UTP20: variants seen among roughly 807,000 people sequenced by gnomAD.
The protein encoded by UTP20 is UTP20 small subunit processome component.
UTP20 carries 164 observed loss-of-function variants against 329.5 expected under a neutral mutation model. The ratio of observed to expected loss-of-function variants is 0.50; its 90% CI spans 0.44 to 0.57. The LOEUF is 0.57. Ranked by LOEUF, UTP20 falls within the 20% of genes least tolerant of loss-of-function variation. The pLI, the probability that UTP20 is intolerant of heterozygous loss-of-function variation, is 0.00. For missense variants in UTP20, 3,055 were observed against 3,284.2 expected (o/e 0.93, Z 1.71); for synonymous variants, 1,151 against 1,159.3 (o/e 0.99, Z 0.14).
intron 22 of UTP20, among the ~76,000 whole-genome samples, chr12:101,317,953 G>A (rs1370992561): frequency 1.3e-5 from 2 of 152,164 alleles, no homozygotes; most frequent in Non-Finnish European, 2.9e-5. Flanking sequence ...TGGAGTGTTT[G>A]GATATTCTTT....
intron 27 of UTP20, among the ~76,000 whole-genome samples, chr12:101,330,545 T>C (rs1336017357): frequency 2.0e-5 from 3 of 152,190 alleles, no homozygotes; most frequent in Non-Finnish European, 2.9e-5. Flanking sequence ...AAAGGGACTA[T>C]AGGAGGCCAA....
intron 60 of UTP20, 84 bp from the exon 61 acceptor site, chr12:101,385,499 T>C: frequency 6.8e-7 from 1 of 1,468,716 alleles, no homozygotes; most frequent in South Asian, 1.3e-5. Context: ...TGGATATAAA[T>C]GTTGTACATA....
rs1287145615 is a variant in UTP20 at position 101,333,410 on chromosome 12, T to TTGA, written c.3530_3532dup (p.Asp1177dup). The TTGA allele has an allele frequency of 3.1e-6, 5 of 1,614,036 alleles. No individual in the cohort carries two copies. The highest frequency in any genetic ancestry group is 2.2e-5 in the South Asian group (2 of 91,062). ...TCATATCAGTTTAGAACAGAAGAAA[T>TTGA]TGATGCTGTGTTTCATGGTGCAGTT... On this transcript the variant is annotated inframe_insertion, in exon 28 of 62. Coordinates refer to ENST00000261637, the MANE Select transcript of UTP20 (RefSeq NM_014503.3).
At chr12:101,333,084 C>T (rs1424055208) in intron 27 of UTP20, among the ~76,000 whole-genome samples, 1 of 152,126 alleles carries the variant, frequency 6.6e-6, no homozygotes, top group Non-Finnish European at 1.5e-5. Flanking sequence ...GACTACTAGG[C>T]AGTGATATTG....
At chr12:101,343,270 A>C (rs2120939110) in intron 35 of UTP20, among the ~76,000 whole-genome samples, 177 bp downstream of exon 35, 1 of 152,304 alleles carries the variant, frequency 6.6e-6, no homozygotes, top group East Asian at 1.9e-4. Context: ...TCATGATTTA[A>C]AAGGCAAATA....
Position 101,344,625 on chromosome 12 carries a change from A to G in UTP20, c.4480A>G (p.Ser1494Gly), listed in dbSNP as rs1869258327. Residue 1494 changes from serine to glycine, a missense_variant, in exon 36 of 62, where the codon AGC becomes GGC. Physicochemically the swap from Ser to Gly is moderately conservative, Grantham distance 56. This residue lies in a region of UTP20 where 2,445 missense variants were observed against 2,575.5 expected (regional missense o/e 0.95). Coordinates refer to ENST00000261637, the MANE Select transcript of UTP20 (RefSeq NM_014503.3). ...AGATATGAGTTTAAGTGATAATGCC[A>G]GCATGTGCCTGATGAGTATCATCAA... The part of the protein sequence containing the change: ...LGDMSLSDNA[S>G]MCLMSIIKKL... 8.6e-7 allele frequency: 1 copy of G among 1,160,460 alleles called. No homozygotes were observed. The highest frequency in any genetic ancestry group is 1.2e-5 in the South Asian group (1 of 82,078). 71.9% of individuals were successfully genotyped at this position (1,160,460 alleles called of 1,614,324 possible).
chr12:101,386,312 T>C lies in UTP20; in HGVS notation c.*189T>C. ...GCAGCCTCAACCTGGGTTCAAGTGA[T>C]CCTCTCACCTCAGCCTCCCAAGTAG... On this transcript the variant is annotated 3_prime_UTR_variant, in exon 62 of 62. Transcript: ENST00000261637. 2.1e-6 allele frequency: 1 copy of C among 485,000 alleles called. No homozygotes were observed. Among genetic ancestry groups the C allele is most frequent in the South Asian group, 3.6e-5 (1 of 27,956 alleles). 30.0% of individuals were successfully genotyped at this position (485,000 alleles called of 1,614,324 possible).
At chr12:101,329,689 A>G (rs10860710) in intron 27 of UTP20, among the ~76,000 whole-genome samples, 80,778 of 151,960 alleles carry the variant, frequency 0.53, 22,799 homozygotes, top group East Asian at 0.94. Context: ...GAGGAGAAAA[A>G]GCAATCAATA....
intron 7 of UTP20, 145 bp from the exon 8 acceptor site, chr12:101,290,588 C>T (rs1438451990): frequency 1.1e-5 from 10 of 887,612 alleles, no homozygotes; most frequent in South Asian, 2.4e-5. Flanking sequence ...TTTTGGGACA[C>T]GTTATTAACC....
At chr12:101,370,157 C>A (rs886697930) in intron 49 of UTP20, among the ~76,000 whole-genome samples, 4 of 152,126 alleles carry the variant, frequency 2.6e-5, no homozygotes, top group Non-Finnish European at 4.4e-5. Flanking sequence ...TTAGAGGCTG[C>A]AGTGAGCTAT....
At position 101,386,082 on chromosome 12, in the gene UTP20, CA is replaced by C. The variant is rs1356902682; in HGVS notation, c.8323del (p.Ser2775AlafsTer4). The part of the protein sequence containing the change: ...FLRPGYKAKR[Q>X]KSHSLKDLAM... Reference sequence around the variant, plus strand: ...GCGTCCAGGATATAAGGCCAAGAGACAAAAAAGCCATAGCCTGAAAGATTTA... The same window carrying C: ...GCGTCCAGGATATAAGGCCAAGAGACAAAAAGCCATAGCCTGAAAGATTTA... On this transcript the variant is annotated frameshift_variant, in exon 62 of 62. Coordinates refer to ENST00000261637, the MANE Select transcript of UTP20 (RefSeq NM_014503.3). LOFTEE classifies it high-confidence loss of function. 3 of 1,606,670 alleles carry C rather than the reference CA, an allele frequency of 1.9e-6. No individual in the cohort carries two copies. The highest frequency in any genetic ancestry group is 1.7e-6 in the Non-Finnish European group (2 of 1,178,628).
rs1335405859 is a variant in UTP20 at position 101,386,031 on chromosome 12, G to C, written c.8266G>C (p.Ala2756Pro). 1 of 1,610,678 alleles carries C rather than the reference G, an allele frequency of 6.2e-7. No individual in the cohort carries two copies. Among genetic ancestry groups the C allele is most frequent in the Admixed American group, 1.7e-5 (1 of 58,730 alleles). Residue 2756 changes from alanine (A) to proline (P), a missense_variant, in exon 62 of 62, where the codon GCA becomes CCA. By Grantham distance (27) the Ala-to-Pro change is conservative. Transcript: ENST00000261637. The stretch of plus-strand genomic sequence containing the variant: ...GAAGAAACACAAAAATAAAAGTGAA[G>C]CAAAGAAGAGAAAGATAGAGTTCCT... ...KMKKHKNKSE[A>P]KKRKIEFLRP...
chr12:101,361,973 G>T lies in UTP20; in HGVS notation c.5703G>T (p.Leu1901=). 1 of 1,613,540 alleles carries T rather than the reference G, an allele frequency of 6.2e-7. No individual in the cohort carries two copies. Among genetic ancestry groups the T allele is most frequent in the South Asian group, 1.1e-5 (1 of 91,056 alleles). The change falls in exon 44 of 62, where the codon CTG becomes CTT. Residue 1901 remains leucine (L), a synonymous_variant. Transcript: ENST00000261637. ...GTGTCTCATGTTAGGTCCATGTGCT[G>T]ACTTTCACCGTTCACATGCTGCTGC... ...TLVRGYQVHV[L]TFTVHMLLQG...
rs760938709 is a variant in UTP20, at chr12:101,320,947, T to C, written c.2915+10T>C. The C allele has an allele frequency of 1.1e-5, 17 of 1,597,722 alleles. No homozygotes were observed. Among genetic ancestry groups the C allele is most frequent in the African/African-American group, 2.7e-5 (2 of 74,182 alleles). On this transcript the variant is annotated intron_variant, in intron 24 of 61. Coordinates refer to ENST00000261637, the MANE Select transcript of UTP20 (RefSeq NM_014503.3). ...ATGTCCTCCCTTACAGGTAAGTTACTTGAAGCTTAAAGAACTGTTATTTCT... is the reference window on the plus strand; with the variant it reads ...ATGTCCTCCCTTACAGGTAAGTTACCTGAAGCTTAAAGAACTGTTATTTCT...
At chr12:101,294,697 C>G (rs181549473) in intron 11 of UTP20, among the ~76,000 whole-genome samples, 188 of 152,158 alleles carry the variant, frequency 1.2e-3, no homozygotes, top group African/African-American at 4.5e-3. Flanking sequence ...CATGTGCCCC[C>G]ACGCCTGGCT....
At chr12:101,303,657 C>T (rs937164139) in intron 15 of UTP20, among the ~76,000 whole-genome samples, 1 of 152,124 alleles carries the variant, frequency 6.6e-6, no homozygotes, top group Non-Finnish European at 1.5e-5. Context: ...GAGGTGGAGG[C>T]AGTAGACCTC....
intron 14 of UTP20, among the ~76,000 whole-genome samples, 191 bp downstream of exon 14, chr12:101,300,252 C>T (rs547336980): frequency 2.6e-5 from 4 of 152,174 alleles, no homozygotes; most frequent in South Asian, 2.1e-4. Context: ...GACTGGGTCA[C>T]GGTGGCTTGA....
rs1211436109 is a variant in UTP20, at chr12:101,294,541, CTT to C, written c.1252-924_1252-923del. Among the ~76,000 whole-genome samples the C allele has an allele frequency of 1.8e-3, 234 of 129,264 alleles. 1 individual carries two copies. The highest frequency in any genetic ancestry group is 4.0e-3 in the Admixed American group (51 of 12,762). 84.8% of individuals were successfully genotyped at this position (129,264 alleles called of 152,430 possible). A position where few individuals can be genotyped will look rare whatever the true frequency, so the allele number is the denominator to read the frequency against. ...CCTTTTTGTATACATTCTCGTTTTT[CTT>C]TTTTTTTTTTTTTTGTCGAGACATA... On this transcript the variant is annotated intron_variant, in intron 11 of 61. Transcript: ENST00000261637.
At position 101,361,974 on chromosome 12, in the gene UTP20, A is replaced by G. The variant is rs775922525; in HGVS notation, c.5704A>G (p.Thr1902Ala). The change falls in exon 44 of 62, where the codon ACT becomes GCT. Residue 1902 changes from threonine (T) to alanine (A), a missense_variant. Coordinates refer to ENST00000261637, the MANE Select transcript of UTP20 (RefSeq NM_014503.3). The stretch of plus-strand genomic sequence containing the variant: ...TGTCTCATGTTAGGTCCATGTGCTG[A>G]CTTTCACCGTTCACATGCTGCTGCA... Reference protein sequence around the residue: ...LVRGYQVHVLTFTVHMLLQGL... With the variant: ...LVRGYQVHVLAFTVHMLLQGL... The G allele has an allele frequency of 6.2e-7, 1 of 1,613,576 alleles. No individual in the cohort carries two copies. Among genetic ancestry groups the G allele is most frequent in the Non-Finnish European group, 8.5e-7 (1 of 1,179,658 alleles).
Sources: gnomAD v4.1 joint callset for allele counts (sites outside exome capture counted in the v4.1 genomes callset) on GRCh38, gnomAD v4.1.1 for gene constraint, gnomAD v4.1.1 regional missense constraint, MANE v1.5 for transcripts, NCBI Gene and HGNC (gene_info 2026-07-23, HGNC 2026-07-21) for gene names.